MEIS2: variants seen among roughly 807,000 people sequenced by gnomAD.
MEIS2 encodes Meis homeobox 2, also known as homeobox protein Meis2.
A neutral mutation model predicts 58.6 loss-of-function variants in MEIS2; 9 were observed. That is an observed-to-expected ratio of 0.15 (90% CI 0.09 to 0.27). The LOEUF is 0.27. MEIS2 is among the 10% of genes least tolerant of loss of function. The pLI is 1.00. For missense variants in MEIS2, 427 were observed against 635.0 expected (o/e 0.67, Z 3.52); for synonymous variants, 221 against 228.4 (o/e 0.97, Z 0.29).
chr15:37,009,817 AAATG>A (rs1290025435), intron 8 of MEIS2, among the ~76,000 whole-genome samples: 1 of 152,218 alleles, frequency 6.6e-6, no homozygotes, highest in African/African-American at 2.4e-5. Context: ...CAAAAAATAT[AAATG>A]AATGTTGACA....
At chr15:36,969,803 C>T (rs1046443253) in intron 8 of MEIS2, among the ~76,000 whole-genome samples, 8 of 152,134 alleles carry the variant, frequency 5.3e-5, no homozygotes, top group Non-Finnish European at 1.0e-4. Flanking sequence ...AAATTAAACT[C>T]ACAATTACAA....
chr15:37,012,549 C>T (rs1344621235), intron 8 of MEIS2, among the ~76,000 whole-genome samples: 1 of 152,136 alleles, frequency 6.6e-6, no homozygotes, highest in Admixed American at 6.5e-5. Flanking sequence ...CAATTCTTCC[C>T]CTATTTTGCA....
chr15:36,970,857 C>T (rs1195152706), intron 8 of MEIS2, among the ~76,000 whole-genome samples: 2 of 151,998 alleles, frequency 1.3e-5, no homozygotes, highest in African/African-American at 4.8e-5. Context: ...AAGGTGGCTG[C>T]GGGAGGGCAC....
chr15:36,998,236 G>GTTTTTTTTTTTTTTTTTTTT (rs5811954), intron 8 of MEIS2, among the ~76,000 whole-genome samples: 1 of 66,752 alleles, frequency 1.5e-5, no homozygotes. Context: ...AAAACACAAA[G>GTTTTTTTTTTTTTTTTTTTT]TTTTTTTTTT....
intron 9 of MEIS2, among the ~76,000 whole-genome samples, chr15:36,910,739 A>G (rs903127654): frequency 1.3e-5 from 2 of 152,134 alleles, no homozygotes; most frequent in African/African-American, 4.8e-5. Flanking sequence ...GTGGCTGAAA[A>G]GGTTCTTTAG....
chr15:36,934,335 C>CA (rs2058086587), intron 9 of MEIS2, among the ~76,000 whole-genome samples: 1 of 151,512 alleles, frequency 6.6e-6, no homozygotes, highest in Admixed American at 6.6e-5. Flanking sequence ...GCTGAAGGCA[C>CA]AAAGCTTTAA....
At chr15:36,997,825 G>A (rs1567162573) in intron 8 of MEIS2, among the ~76,000 whole-genome samples, 1 of 152,112 alleles carries the variant, frequency 6.6e-6, no homozygotes, top group Non-Finnish European at 1.5e-5. Flanking sequence ...AAACGTGCAT[G>A]GTTTAAGCAA....
chr15:36,912,974 G>T (rs1018232898), intron 9 of MEIS2, among the ~76,000 whole-genome samples: 1 of 152,080 alleles, frequency 6.6e-6, no homozygotes, highest in South Asian at 2.1e-4. Context: ...TCCACTGTCC[G>T]CACCTGCCTT....
At chr15:37,098,877 G>T (rs965528469) in intron 1 of MEIS2, 1 of 983,210 alleles carries the variant, frequency 1.0e-6, no homozygotes. Context: ...CGGAGGGTGG[G>T]GGGGCGAATA....
intron 8 of MEIS2, among the ~76,000 whole-genome samples, chr15:37,031,166 G>A (rs906450139): frequency 6.6e-6 from 1 of 152,118 alleles, no homozygotes; most frequent in Non-Finnish European, 1.5e-5. Flanking sequence ...AACCTTACCA[G>A]GTGGAACTAG....
At chr15:37,001,982 C>A (rs1191895902) in intron 8 of MEIS2, among the ~76,000 whole-genome samples, 2 of 151,878 alleles carry the variant, frequency 1.3e-5, no homozygotes, top group Non-Finnish European at 2.9e-5. Context: ...TATTCTATCT[C>A]ATTTTTTTTG....
At chr15:36,981,352 T>C (rs1019097920) in intron 8 of MEIS2, among the ~76,000 whole-genome samples, 1 of 152,180 alleles carries the variant, frequency 6.6e-6, no homozygotes, top group Non-Finnish European at 1.5e-5. Context: ...TAGGCAATTA[T>C]ACCATTTACT....
At position 36,896,954 on chromosome 15, in the gene MEIS2, T is replaced by C. The variant is rs540854186; in HGVS notation, c.978-268A>G. 1.7e-4 allele frequency: 61 copies of C among 355,754 alleles called. 1 individual carries two copies. The South Asian group carries it at 2.9e-3, about 17-fold the overall frequency. The allele number at this position is 355,754 out of a possible 1,614,324, so 22.0% of individuals were successfully genotyped here. On this transcript the variant is annotated intron_variant, in intron 9 of 11. Transcript: ENST00000561208. The stretch of plus-strand genomic sequence containing the variant: ...TGAGAAAGCTTCTATTAACTTCAAA[T>C]TGTGCTTCTGCTTCTTGCACAAGTA...
intron 8 of MEIS2, among the ~76,000 whole-genome samples, chr15:37,013,572 CA>C (rs201784040): frequency 0.09 from 12,208 of 135,562 alleles, 606 homozygotes; most frequent in East Asian, 0.22. Context: ...AACTCCAACT[CA>C]AAAAAAAAAA....
intron 4 of MEIS2, 66 bp from the exon 5 acceptor site, chr15:37,094,643 G>A: frequency 7.0e-7 from 1 of 1,424,332 alleles, no homozygotes; most frequent in Non-Finnish European, 9.8e-7. Context: ...TTGGGGTTGG[G>A]AGTGGGGTGA....
chr15:36,952,727 G>A (rs998133175), intron 8 of MEIS2, among the ~76,000 whole-genome samples: 1 of 151,806 alleles, frequency 6.6e-6, no homozygotes, highest in South Asian at 2.1e-4. Context: ...GTTGAAATGG[G>A]AGATTACTGG....
intron 9 of MEIS2, among the ~76,000 whole-genome samples, chr15:36,928,557 GA>G (rs1268750352): frequency 2.0e-4 from 31 of 152,122 alleles, no homozygotes; most frequent in Non-Finnish European, 2.8e-4. Flanking sequence ...AGTGATTTAA[GA>G]AAAAGTACCA....
chr15:37,060,847 T>A (rs1889111804), intron 7 of MEIS2, among the ~76,000 whole-genome samples: 1 of 152,186 alleles, frequency 6.6e-6, no homozygotes, highest in South Asian at 2.1e-4. Flanking sequence ...ACTTGTGGGC[T>A]GGAATCATGT....
chr15:37,026,381 T>A (rs1020336294), intron 8 of MEIS2, among the ~76,000 whole-genome samples: 1 of 152,156 alleles, frequency 6.6e-6, no homozygotes, highest in African/African-American at 2.4e-5. Context: ...GTGGCCTGAG[T>A]CATGGGAATA....
Sources: gnomAD v4.1 joint callset for allele counts (sites outside exome capture counted in the v4.1 genomes callset) on GRCh38, gnomAD v4.1.1 for gene constraint, MANE v1.5 for transcripts, NCBI Gene and HGNC (gene_info 2026-07-23, HGNC 2026-07-21) for gene names.